ADAM18: variants seen among roughly 807,000 people sequenced by gnomAD.
ADAM18 encodes the protein disintegrin and metalloproteinase domain-containing protein 18.
A neutral mutation model predicts 94.4 loss-of-function variants in ADAM18; 117 were observed. The observed-to-expected ratio is 1.24, with a 90% CI of 1.07 to 1.45. The LOEUF (loss-of-function observed/expected upper bound fraction) is 1.45, where lower values mean the gene tolerates loss of function less well. ADAM18 is among the 40% of genes most tolerant of loss of function. ADAM18 has a pLI of 0.00. For synonymous variants in ADAM18, 327 were observed against 291.6 expected (o/e 1.12, Z -1.24); for missense variants, 936 against 880.0 (o/e 1.06, Z -0.81).
At chr8:39,700,978 C>A (rs551561928) in intron 17 of ADAM18, among the ~76,000 whole-genome samples, 5 of 149,994 alleles carry the variant, frequency 3.3e-5, no homozygotes, top group Admixed American at 3.3e-4. Context: ...ATTAGCCGGG[C>A]GTAGTGGCGG....
chr8:39,632,528 T>C (rs1380546985), intron 7 of ADAM18, among the ~76,000 whole-genome samples: 1 of 152,156 alleles, frequency 6.6e-6, no homozygotes, highest in Non-Finnish European at 1.5e-5. Context: ...CACATTTTAA[T>C]CAATTTTTAC....
intron 18 of ADAM18, among the ~76,000 whole-genome samples, chr8:39,713,701 C>T (rs1822486715): frequency 6.6e-6 from 1 of 152,190 alleles, no homozygotes; most frequent in Admixed American, 6.5e-5. Flanking sequence ...TGCTCATCAT[C>T]ACTGGCCATC....
At chr8:39,587,429 A>C (rs950240418) in intron 2 of ADAM18, among the ~76,000 whole-genome samples, 1 of 152,052 alleles carries the variant, frequency 6.6e-6, no homozygotes, top group Non-Finnish European at 1.5e-5. Context: ...CTCTGCTTTT[A>C]TGATTTCCAC....
At chr8:39,633,145 G>A (rs1295752059) in intron 7 of ADAM18, among the ~76,000 whole-genome samples, 2 of 152,052 alleles carry the variant, frequency 1.3e-5, no homozygotes, top group African/African-American at 4.8e-5. Context: ...TCAGCCTCTA[G>A]GACTATGAAC....
At chr8:39,706,172 T>C (rs1480334146) in intron 17 of ADAM18, among the ~76,000 whole-genome samples, 1 of 152,124 alleles carries the variant, frequency 6.6e-6, no homozygotes, top group Non-Finnish European at 1.5e-5. Context: ...ACAGAAACAT[T>C]GTCAAATGTT....
chr8:39,648,314 A>T (rs770563909), intron 11 of ADAM18, 30 bp from the exon 12 acceptor site: 10 of 1,535,520 alleles, frequency 6.5e-6, no homozygotes, highest in Non-Finnish European at 8.8e-6. Context: ...AGCCAGGCTT[A>T]TTTGCCTGAG....
intron 17 of ADAM18, among the ~76,000 whole-genome samples, chr8:39,704,223 C>A (rs926111156): frequency 1.3e-5 from 2 of 152,092 alleles, no homozygotes; most frequent in South Asian, 4.1e-4. Flanking sequence ...CAGCATCATC[C>A]TGATACCAAA....
rs75875171 is a variant in ADAM18 at position 39,682,644 on chromosome 8, C to G, written c.1821+2418C>G. Among the ~76,000 whole-genome samples the G allele has an allele frequency of 1.8e-4, 27 of 152,092 alleles. No homozygotes were observed. The East Asian group carries it at 3.9e-3, about 22-fold the overall frequency. The stretch of plus-strand genomic sequence containing the variant: ...TTTCTTTTTAGTTCTAATCCCCCCC[C>G]ACACACACTTTGAATTAAAATATCT... On this transcript the variant is annotated intron_variant, in intron 16 of 19. Coordinates refer to ENST00000265707, the MANE Select transcript of ADAM18 (RefSeq NM_014237.3).
At chr8:39,662,459 A>G (rs1274956526) in intron 12 of ADAM18, among the ~76,000 whole-genome samples, 1 of 152,234 alleles carries the variant, frequency 6.6e-6, no homozygotes, top group Admixed American at 6.5e-5. Flanking sequence ...AAAATTAAGA[A>G]GAATCCTGCC....
At chr8:39,623,388 T>G (rs1352648297) in intron 6 of ADAM18, among the ~76,000 whole-genome samples, 9 of 152,188 alleles carry the variant, frequency 5.9e-5, no homozygotes, top group Non-Finnish European at 8.8e-5. Context: ...CTACTTTTAC[T>G]TCTTTGAGAA....
In ADAM18 at chr8:39,642,285, T is replaced by G. The variant is rs1489071667; in HGVS notation, c.910-3053T>G. 2.0e-5 allele frequency among the ~76,000 whole-genome samples: 3 copies of G among 152,124 alleles called. No individual in the cohort carries two copies. In the South Asian group the frequency reaches 6.2e-4, roughly 31 times the overall value. ...TTAATTAGATCCTATTTGTCAATTT[T>G]TGGTTTTGTTGCAATTGCTGTGGCA... is the stretch of plus-strand genomic sequence containing the variant. On this transcript the variant is annotated intron_variant, in intron 10 of 19. Coordinates refer to ENST00000265707, the MANE Select transcript of ADAM18 (RefSeq NM_014237.3).
In ADAM18 at chr8:39,663,835, A is replaced by G. The variant is rs181716138; in HGVS notation, c.1271A>G (p.Lys424Arg). Residue 424 changes from lysine (K) to arginine (R), a missense_variant, in exon 13 of 20, where the codon AAA (lysine) becomes AGA (arginine). By Grantham distance (26) the Lys-to-Arg change is conservative (BLOSUM62 2). Coordinates refer to ENST00000265707, the MANE Select transcript of ADAM18 (RefSeq NM_014237.3). Reference protein sequence around the residue: ...FKKCCDYNTCKLKGSVKCGSG... With the variant: ...FKKCCDYNTCRLKGSVKCGSG... ...AAGTGCTGTGATTATAACACATGTA[A>G]ACTGAAGGGCTCAGTAAAATGTGGT... 6.2e-7 allele frequency: 1 copy of G among 1,612,732 alleles called. No individual in the cohort carries two copies.
chr8:39,640,828 G>A (rs1820217021), intron 10 of ADAM18, among the ~76,000 whole-genome samples: 1 of 144,646 alleles, frequency 6.9e-6, no homozygotes, highest in Non-Finnish European at 1.5e-5. Context: ...TTTTTTTTAT[G>A]AGAAGTGTCT....
At chr8:39,624,981 T>C (rs1379571717) in intron 6 of ADAM18, among the ~76,000 whole-genome samples, 1 of 152,226 alleles carries the variant, frequency 6.6e-6, no homozygotes, top group Non-Finnish European at 1.5e-5. Context: ...TATTCTTTTA[T>C]AGCAGTGCAA....
intron 16 of ADAM18, among the ~76,000 whole-genome samples, chr8:39,684,802 C>T (rs1433853181): frequency 6.6e-6 from 1 of 152,180 alleles, no homozygotes; most frequent in Non-Finnish European, 1.5e-5. Flanking sequence ...AATTCATAGT[C>T]AGACAGCCCG....
chr8:39,716,904 C>A (rs1822594386), intron 18 of ADAM18, among the ~76,000 whole-genome samples: 1 of 151,938 alleles, frequency 6.6e-6, no homozygotes, highest in Middle Eastern at 3.4e-3. Flanking sequence ...GATGTCATAC[C>A]TTTCTGGTGC....
At chr8:39,650,447 C>A (rs1820500486) in intron 12 of ADAM18, among the ~76,000 whole-genome samples, 1 of 152,084 alleles carries the variant, frequency 6.6e-6, no homozygotes, top group African/African-American at 2.4e-5. Flanking sequence ...AGTAAAGTTG[C>A]AGGATACAAA....
intron 2 of ADAM18, among the ~76,000 whole-genome samples, chr8:39,594,167 A>C (rs1293562629): frequency 6.6e-6 from 1 of 152,186 alleles, no homozygotes; most frequent in African/African-American, 2.4e-5. Context: ...TAGATATTAC[A>C]TTACATGTAC....
chr8:39,609,547 A>G lies in ADAM18; in HGVS notation c.330A>G (p.Ile110Met), dbSNP rs749526526. 3 of 1,609,818 alleles carry G rather than the reference A, an allele frequency of 1.9e-6. No individual in the cohort carries two copies. ...CAAATTCATTTGTGACACTCAGTAT[A>G]TGTTCTGGTCTCAGGTAATAGCACC... ...EFPNSFVTLSICSGLRGFLQF... is the reference protein window; with the variant it reads ...EFPNSFVTLSMCSGLRGFLQF... The change falls in exon 5 of 20, where the codon ATA (isoleucine) becomes ATG (methionine). Residue 110 changes from isoleucine (I) to methionine (M), a missense_variant. Coordinates refer to ENST00000265707, the MANE Select transcript of ADAM18 (RefSeq NM_014237.3).
Sources: gnomAD v4.1 joint callset for allele counts (sites outside exome capture counted in the v4.1 genomes callset) on GRCh38, gnomAD v4.1.1 for gene constraint, MANE v1.5 for transcripts, NCBI Gene and HGNC (gene_info 2026-07-23, HGNC 2026-07-21) for gene names.